The following DSC1 variants were observed in gnomAD, a reference collection of about 807,000 sequenced individuals.
DSC1 encodes desmocollin-1.
DSC1 carries 79 observed loss-of-function variants against 98.8 expected under a neutral mutation model. The ratio of observed to expected loss-of-function variants is 0.80; its 90% CI spans 0.67 to 0.96. The LOEUF (loss-of-function observed/expected upper bound fraction) is 0.96. DSC1 is among the 50% of genes least tolerant of loss of function. The pLI, the probability that DSC1 is intolerant of heterozygous loss-of-function variation, is 0.00. For synonymous variants in DSC1, 405 were observed against 372.1 expected, an observed-to-expected ratio of 1.09 and a Z score of -1.02; for missense variants, 1,115 against 1,075.9, an observed-to-expected ratio of 1.04 and a Z score of -0.51.
rs188174742 is a variant in DSC1 at position 31,144,591 on chromosome 18, A to T, written c.940-800T>A. On this transcript the variant is annotated intron_variant, in intron 7 of 15. Transcript: ENST00000257198. ...GACAGTAAAAATATCAGTGGTTGCC[A>T]GGAATTAAGAGAGAAGAAGGCATCA... Among the ~76,000 whole-genome samples the T allele has an allele frequency of 5.9e-5, 9 of 152,358 alleles. No homozygotes were observed. In the East Asian group the frequency reaches 1.4e-3, roughly 23 times the overall value.
chr18:31,160,423 T>A (rs1989187542), intron 1 of DSC1, among the ~76,000 whole-genome samples: 1 of 152,194 alleles, frequency 6.6e-6, no homozygotes, highest in South Asian at 2.1e-4. Context: ...TTCTCTGAAT[T>A]CTAGAGTTAC....
At chr18:31,154,408 T>C (rs950871149) in intron 5 of DSC1, among the ~76,000 whole-genome samples, 7 of 152,094 alleles carry the variant, frequency 4.6e-5, no homozygotes, top group Non-Finnish European at 7.4e-5. Context: ...CAAGCATCAG[T>C]ATTTTTTTTC....
Position 31,162,687 on chromosome 18 carries a change from G to T in DSC1, c.-93C>A, listed in dbSNP as rs960059263. ...TAAGAAGACGCTGGCACTTGCACAG[G>T]GTATTCTGCTGCCACCTTGATGCAG... On this transcript the variant is annotated 5_prime_UTR_variant, in exon 1 of 16. Coordinates refer to ENST00000257198, the MANE Select transcript of DSC1 (RefSeq NM_024421.2). 9.1e-7 allele frequency: 1 copy of T among 1,104,130 alleles called. No individual in the cohort carries two copies. The highest frequency in any genetic ancestry group is 1.5e-5 in the African/African-American group (1 of 64,752). 68.4% of individuals were successfully genotyped at this position (1,104,130 alleles called of 1,614,324 possible).
At chr18:31,133,225 A>AGAGAAAGAAAAAGAAAAGGAAAAG (rs1988534085) in intron 13 of DSC1, among the ~76,000 whole-genome samples, 1 of 152,154 alleles carries the variant, frequency 6.6e-6, no homozygotes, top group African/African-American at 2.4e-5. Context: ...TCAGAGGGAG[A>AGAGAAAGAAAAAGAAAAGGAAAAG]GAGAAAGAAA....
At chr18:31,148,409 G>T in intron 6 of DSC1, 89 bp downstream of exon 6, 4 of 1,390,346 alleles carry the variant, frequency 2.9e-6, no homozygotes, top group Non-Finnish European at 3.8e-6. Context: ...TGCATAAAAT[G>T]CAATGATAAA....
rs775742003 is a variant in DSC1 at position 31,134,087 on chromosome 18, G to A, written c.1920C>T (p.Asn640=). The change falls in exon 13 of 16, where the codon AAC becomes AAT. Residue 640 remains asparagine (N), a synonymous_variant. Coordinates refer to ENST00000257198, the MANE Select transcript of DSC1 (RefSeq NM_024421.2). ...ILRQRQNLDY[N]YYSVPIQIKD... Reference sequence around the variant, plus strand: ...TTATTTGAATAGGCACAGAATAATAGTTATAATCAAGATTTTGCCGTTGAC... The same window carrying A: ...TTATTTGAATAGGCACAGAATAATAATTATAATCAAGATTTTGCCGTTGAC... The A allele has an allele frequency of 3.2e-5, 51 of 1,608,918 alleles. No homozygotes were observed. The highest frequency in any genetic ancestry group is 4.1e-5 in the Non-Finnish European group (48 of 1,179,426).
chr18:31,145,130 G>A (rs1360626151), intron 7 of DSC1, among the ~76,000 whole-genome samples: 1 of 151,676 alleles, frequency 6.6e-6, no homozygotes, highest in Non-Finnish European at 1.5e-5. Context: ...TTTTGGTAGA[G>A]ACGGCGTTTC....
chr18:31,130,859 G>A (rs759398457), intron 15 of DSC1, 148 bp from the exon 16 acceptor site: 3 of 1,601,458 alleles, frequency 1.9e-6, no homozygotes, highest in South Asian at 1.1e-5. Context: ...AAAATGCACA[G>A]GATTGGTCTG....
intron 5 of DSC1, 51 bp downstream of exon 5, chr18:31,154,723 G>T: frequency 7.0e-7 from 1 of 1,419,696 alleles, no homozygotes; most frequent in Non-Finnish European, 9.5e-7. Context: ...GAAAATATTA[G>T]TAAGCCAGTA....
chr18:31,133,884 T>A lies in DSC1; in HGVS notation c.2116+7A>T. On this transcript the variant is annotated splice_region_variant and intron_variant, in intron 13 of 15. Transcript: ENST00000257198. ...ACATTCTAGATAATGATACTTAATATACTTACATAATAACAATACAGAACC... is the reference window on the plus strand; with the variant it reads ...ACATTCTAGATAATGATACTTAATAAACTTACATAATAACAATACAGAACC... 1.9e-6 allele frequency: 3 copies of A among 1,604,956 alleles called. No individual in the cohort carries two copies. The highest frequency in any genetic ancestry group is 2.6e-6 in the Non-Finnish European group (3 of 1,175,162).
intron 5 of DSC1, among the ~76,000 whole-genome samples, chr18:31,153,385 T>C (rs1989037179): frequency 6.6e-6 from 1 of 152,190 alleles, no homozygotes. Flanking sequence ...TCAAAGTGAT[T>C]GCAATGGTGC....
At chr18:31,161,281 C>T (rs185423973) in intron 1 of DSC1, among the ~76,000 whole-genome samples, 76 of 152,052 alleles carry the variant, frequency 5.0e-4, no homozygotes, top group African/African-American at 1.8e-3. Flanking sequence ...ATCTATGGGA[C>T]CACTCATATA....
intron 14 of DSC1, 164 bp from the exon 15 acceptor site, chr18:31,132,006 TC>T: frequency 1.2e-6 from 1 of 814,320 alleles, no homozygotes; most frequent in Non-Finnish European, 1.9e-6. Context: ...TTGAATTGAG[TC>T]CCCTAAAAAT....
intron 7 of DSC1, among the ~76,000 whole-genome samples, chr18:31,145,328 G>A (rs1988824150): frequency 6.6e-6 from 1 of 152,174 alleles, no homozygotes; most frequent in African/African-American, 2.4e-5. Flanking sequence ...GCATATTGGA[G>A]CCAGATAAAA....
At chr18:31,147,801 A>G (rs2144942228) in intron 6 of DSC1, among the ~76,000 whole-genome samples, 1 of 151,920 alleles carries the variant, frequency 6.6e-6, no homozygotes, top group Non-Finnish European at 1.5e-5. Flanking sequence ...TGAATTTCAA[A>G]TGTCTGTTAA....
chr18:31,145,811 C>T, intron 6 of DSC1, 34 bp from the exon 7 acceptor site: 1 of 1,589,072 alleles, frequency 6.3e-7, no homozygotes, highest in Middle Eastern at 1.7e-4. Context: ...TCAAAAATTT[C>T]TACTCATATA....
rs1478175168 is a variant in DSC1 at position 31,150,395 on chromosome 18, A to G, written c.628-1753T>C. ...CACCATCATCACCACCATCACCACCATTATCACCACCACCACATCATCACT... is the reference window on the plus strand; with the variant it reads ...CACCATCATCACCACCATCACCACCGTTATCACCACCACCACATCATCACT... On this transcript the variant is annotated intron_variant, in intron 5 of 15. Transcript: ENST00000257198. Among the ~76,000 whole-genome samples the G allele has an allele frequency of 1.9e-3, 104 of 55,566 alleles. 31 individuals are homozygous for G. The highest frequency in any genetic ancestry group is 0.021 in the Middle Eastern group (2 of 94). 36.5% of individuals were successfully genotyped at this position (55,566 alleles called of 152,430 possible).
At chr18:31,138,977 AT>A (rs1306965146) in intron 11 of DSC1, among the ~76,000 whole-genome samples, 1 of 152,030 alleles carries the variant, frequency 6.6e-6, no homozygotes, top group Non-Finnish European at 1.5e-5. Context: ...TTCTACTTAT[AT>A]TTTTATCATC....
At chr18:31,161,722 T>C (rs1414462236) in intron 1 of DSC1, among the ~76,000 whole-genome samples, 2 of 152,158 alleles carry the variant, frequency 1.3e-5, no homozygotes, top group African/African-American at 4.8e-5. Flanking sequence ...TAACTTAAGA[T>C]GGTATCTGAG....
Sources: gnomAD v4.1 joint callset for allele counts (sites outside exome capture counted in the v4.1 genomes callset) on GRCh38, gnomAD v4.1.1 for gene constraint, MANE v1.5 for transcripts, NCBI Gene and HGNC (gene_info 2026-07-23, HGNC 2026-07-21) for gene names.